The following BMPR1A variants were observed in gnomAD, a reference collection of about 807,000 sequenced individuals.
BMPR1A encodes the protein bone morphogenetic protein receptor type 1A.
BMPR1A carries 7 observed loss-of-function variants against 66.0 expected under a neutral mutation model. The observed-to-expected ratio is 0.11, with a 90% confidence interval of 0.06 to 0.20. The LOEUF is 0.20. Among genes scored for constraint, BMPR1A ranks in the 10% least tolerant of loss-of-function variants. BMPR1A has a pLI of 1.00. For missense variants in BMPR1A, 408 were observed against 669.1 expected, an observed-to-expected ratio of 0.61 and a Z score of 4.31; for synonymous variants, 200 against 229.7, an observed-to-expected ratio of 0.87 and a Z score of 1.17.
In BMPR1A at chr10:86,890,234, T is replaced by C; in HGVS notation, c.230+10T>C. ...TTAATAACACATGCATGTAAGTATT[T>C]TATGCAGCCCTTCTTAAGAGTTAGG... On this transcript the variant is annotated intron_variant, in intron 4 of 12. Transcript: ENST00000372037. 6.2e-7 allele frequency: 1 copy of C among 1,613,692 alleles called. No individual in the cohort carries two copies. The highest frequency in any genetic ancestry group is 8.5e-7 in the Non-Finnish European group (1 of 1,179,572).
intron 5 of BMPR1A, among the ~76,000 whole-genome samples, chr10:86,896,165 GA>G (rs35504090): frequency 0.087 from 9,042 of 103,696 alleles, 639 homozygotes; most frequent in African/African-American, 0.23. Context: ...AAAAAGAAAA[GA>G]AAAAAAAAAA....
At chr10:86,856,632 AG>A in intron 2 of BMPR1A, among the ~76,000 whole-genome samples, 1 of 152,330 alleles carries the variant, frequency 6.6e-6, no homozygotes, top group African/African-American at 2.4e-5. Flanking sequence ...AAAGAAGTCC[AG>A]TATTATGTTT....
At chr10:86,824,972 A>T (rs1458573362) in intron 1 of BMPR1A, among the ~76,000 whole-genome samples, 2 of 152,210 alleles carry the variant, frequency 1.3e-5, no homozygotes, top group African/African-American at 4.8e-5. Context: ...ATCATTAGGA[A>T]ATAAATCTAT....
chr10:86,845,797 A>G (rs574457882), intron 2 of BMPR1A, among the ~76,000 whole-genome samples: 84 of 152,238 alleles, frequency 5.5e-4, no homozygotes, highest in Non-Finnish European at 1.0e-3. Flanking sequence ...GGAGATCGAG[A>G]CCATCCTGGC....
intron 1 of BMPR1A, among the ~76,000 whole-genome samples, chr10:86,784,975 A>C (rs1841495965): frequency 6.6e-6 from 1 of 152,086 alleles, no homozygotes; most frequent in South Asian, 2.1e-4. Context: ...TACTGCTATA[A>C]ACTTCCCTCT....
chr10:86,828,033 T>C (rs1033019042), intron 1 of BMPR1A, among the ~76,000 whole-genome samples: 8 of 152,258 alleles, frequency 5.3e-5, no homozygotes, highest in African/African-American at 1.9e-4. Flanking sequence ...GTGCCTGTAA[T>C]CCCAGCCACT....
chr10:86,821,791 C>A (rs1842123719), intron 1 of BMPR1A, among the ~76,000 whole-genome samples: 1 of 152,120 alleles, frequency 6.6e-6, no homozygotes, highest in African/African-American at 2.4e-5. Flanking sequence ...CCCCCTCCCC[C>A]TCTCTTCTCC....
intron 5 of BMPR1A, among the ~76,000 whole-genome samples, chr10:86,898,546 G>A (rs2133447060): frequency 6.6e-6 from 1 of 152,292 alleles, no homozygotes; most frequent in East Asian, 1.9e-4. Context: ...ATCCCTGTCA[G>A]CATCCTTCAT....
intron 3 of BMPR1A, among the ~76,000 whole-genome samples, chr10:86,879,344 T>C (rs1842958635): frequency 6.6e-6 from 1 of 152,210 alleles, no homozygotes; most frequent in African/African-American, 2.4e-5. Context: ...CTTCTAATCT[T>C]AGTGGCCAAA....
At chr10:86,840,332 G>T (rs551523967) in intron 2 of BMPR1A, among the ~76,000 whole-genome samples, 1 of 152,098 alleles carries the variant, frequency 6.6e-6, no homozygotes, top group Non-Finnish European at 1.5e-5. Context: ...CGTAACTCTC[G>T]AATTCTTTTG....
At chr10:86,784,450 T>A (rs1441091681) in intron 1 of BMPR1A, among the ~76,000 whole-genome samples, 1 of 152,216 alleles carries the variant, frequency 6.6e-6, no homozygotes, top group African/African-American at 2.4e-5. Context: ...GGAATAAGGC[T>A]CCCTCAGTCA....
Position 86,917,213 on chromosome 10 carries a change from A to G in BMPR1A, c.755A>G (p.Lys252Arg), listed in dbSNP as rs1554890769. The G allele has an allele frequency of 2.5e-6, 4 of 1,614,074 alleles. No individual in the cohort carries two copies. Among genetic ancestry groups the G allele is most frequent in the Non-Finnish European group, 3.4e-6 (4 of 1,179,976 alleles). ...CGATATGGAGAAGTATGGATGGGCA[A>G]ATGGCGTGGCGAAAAAGTGGCGGTG... The part of the protein sequence containing the change: ...KGRYGEVWMG[K>R]WRGEKVAVKV... The change falls in exon 9 of 13, where the codon AAA (lysine) becomes AGA (arginine). Residue 252 changes from lysine to arginine, a missense_variant. Physicochemically the swap from Lys to Arg is conservative, Grantham distance 26. Coordinates refer to ENST00000372037, the MANE Select transcript of BMPR1A (RefSeq NM_004329.3).
chr10:86,872,567 A>G (rs1589755536), intron 2 of BMPR1A, among the ~76,000 whole-genome samples: 3 of 152,136 alleles, frequency 2.0e-5, no homozygotes, highest in Non-Finnish European at 4.4e-5. Context: ...TATGCAAAGC[A>G]TTTATGACTA....
At chr10:86,834,262 A>T (rs538699691) in intron 1 of BMPR1A, among the ~76,000 whole-genome samples, 1 of 152,312 alleles carries the variant, frequency 6.6e-6, no homozygotes, top group East Asian at 1.9e-4. Context: ...CTTCTGGAAG[A>T]AGCCTTTTCC....
In BMPR1A at chr10:86,919,380, T is replaced by C. The variant is rs761131818; in HGVS notation, c.1077T>C (p.Ala359=). 3.7e-6 allele frequency: 6 copies of C among 1,612,948 alleles called. No homozygotes were observed. Among genetic ancestry groups the C allele is most frequent in the South Asian group, 1.1e-5 (1 of 91,030 alleles). ...GCACCCAAGGAAAGCCCGCAATTGCTCATCGAGACCTAAAGAGCAAAAACA... is the reference window on the plus strand; with the variant it reads ...GCACCCAAGGAAAGCCCGCAATTGCCCATCGAGACCTAAAGAGCAAAAACA... The part of the protein sequence containing the change: ...IYGTQGKPAI[A]HRDLKSKNIL... Residue 359 remains alanine (A), a synonymous_variant, in exon 10 of 13, where the codon GCT becomes GCC. Transcript: ENST00000372037.
At chr10:86,792,779 A>G (rs1240280501) in intron 1 of BMPR1A, among the ~76,000 whole-genome samples, 1 of 152,204 alleles carries the variant, frequency 6.6e-6, no homozygotes. Context: ...TCACTTTAAA[A>G]TGGATCATGA....
chr10:86,853,023 G>GA (rs1271809284), intron 2 of BMPR1A, among the ~76,000 whole-genome samples: 3 of 152,018 alleles, frequency 2.0e-5, no homozygotes, highest in East Asian at 3.9e-4. Context: ...GATTGATCAA[G>GA]AAAAAATATA....
chr10:86,915,174 C>CA (rs1843547120), intron 8 of BMPR1A, among the ~76,000 whole-genome samples: 1 of 152,104 alleles, frequency 6.6e-6, no homozygotes, highest in Admixed American at 6.6e-5. Context: ...TTAAGGCATG[C>CA]ACCACCATGC....
At chr10:86,856,321 TGCAGCCCAGG>T in intron 2 of BMPR1A, 1 of 457,806 alleles carries the variant, frequency 2.2e-6, no homozygotes. Context: ...CCTGGCCCTC[TGCAGCCCAGG>T]GCAGTCAGCC....
Sources: allele counts gnomAD v4.1 joint callset (sites outside exome capture counted in the v4.1 genomes callset), GRCh38; gene constraint gnomAD v4.1.1; transcripts MANE v1.5; gene names NCBI Gene and HGNC (gene_info 2026-07-23, HGNC 2026-07-21).